Variants in ART3 observed in about 807,000 individuals in gnomAD.
ART3 encodes ecto-ADP-ribosyltransferase 3.
ART3 carries 49 observed loss-of-function variants against 48.5 expected under a neutral mutation model. The observed-to-expected ratio is 1.01, with a 90% confidence interval of 0.80 to 1.28. The LOEUF (loss-of-function observed/expected upper bound fraction) is 1.28, where lower values mean the gene tolerates loss of function less well. Ranked by LOEUF, ART3 falls within the 50% of genes most tolerant of loss-of-function variation. ART3 has a pLI of 0.00. For synonymous variants in ART3, 145 were observed against 157.2 expected, an observed-to-expected ratio of 0.92 and a Z score of 0.58; for missense variants, 438 against 454.3, an observed-to-expected ratio of 0.96 and a Z score of 0.33.
At chr4:76,022,618 T>G in intron 1 of ART3, 2 of 1,442,984 alleles carry the variant, frequency 1.4e-6, no homozygotes, top group South Asian at 2.5e-5. Context: ...GATCTTTTTT[T>G]ATTATCATTA....
At position 76,079,157 on chromosome 4, in the gene ART3, T is replaced by G. The variant is rs147513895; in HGVS notation, c.70-2667T>G. On this transcript the variant is annotated intron_variant, in intron 2 of 11. Coordinates refer to ENST00000355810, the MANE Select transcript of ART3 (RefSeq NM_001130016.3). Reference sequence around the variant, plus strand: ...CCAATTCCATGTAAGTCTCAATCTCTTAGTTTCCTCATCTTTGTTAAAAAA... The same window carrying G: ...CCAATTCCATGTAAGTCTCAATCTCGTAGTTTCCTCATCTTTGTTAAAAAA... 2.8e-3 allele frequency among the ~76,000 whole-genome samples: 399 copies of G among 143,870 alleles called. 7 individuals carry two copies. In the East Asian group the frequency reaches 0.059, roughly 21 times the overall value. 94.4% of individuals were successfully genotyped at this position (143,870 alleles called of 152,430 possible). A position where few individuals can be genotyped will look rare whatever the true frequency, so the allele number is the denominator to read the frequency against.
rs1212892298 is a variant in ART3 at position 76,112,640 on chromosome 4, T to G, written c.*121T>G. The stretch of plus-strand genomic sequence containing the variant: ...CAAAGTCACTGGATAAAATGAGAAT[T>G]GTATATTTGTTATTCATTTTGCAAA... On this transcript the variant is annotated 3_prime_UTR_variant, in exon 12 of 12. Coordinates refer to ENST00000355810, the MANE Select transcript of ART3 (RefSeq NM_001130016.3). 12 of 1,177,814 alleles carry G rather than the reference T, an allele frequency of 1.0e-5. No individual in the cohort carries two copies. The highest frequency in any genetic ancestry group is 1.4e-5 in the Non-Finnish European group (12 of 877,796). 73.0% of individuals were successfully genotyped at this position (1,177,814 alleles called of 1,614,324 possible).
chr4:76,039,655 A>G (rs1398267395), intron 1 of ART3, among the ~76,000 whole-genome samples: 1 of 152,244 alleles, frequency 6.6e-6, no homozygotes, highest in East Asian at 1.9e-4. Context: ...AATATAGACA[A>G]ACAATAGTGA....
At chr4:76,047,519 G>A (rs1369061360) in intron 1 of ART3, among the ~76,000 whole-genome samples, 1 of 151,958 alleles carries the variant, frequency 6.6e-6, no homozygotes, top group African/African-American at 2.4e-5. Flanking sequence ...GAAGGCAGAA[G>A]GATTTTCTTC....
At chr4:76,072,474 C>T (rs928797324), upstream of ART3, among the ~76,000 whole-genome samples, 3 of 152,042 alleles carry the variant, frequency 2.0e-5, no homozygotes, top group Admixed American at 6.5e-5. Flanking sequence ...CACACATACA[C>T]ACACATCTAC....
At chr4:76,062,781 T>C (rs1280449359) in intron 1 of ART3, among the ~76,000 whole-genome samples, 1 of 151,962 alleles carries the variant, frequency 6.6e-6, no homozygotes, top group South Asian at 2.1e-4. Context: ...AGGATGGTCT[T>C]GATCTCCTGA....
chr4:76,073,523 G>C (rs1720538040), upstream of ART3, among the ~76,000 whole-genome samples: 1 of 152,100 alleles, frequency 6.6e-6, no homozygotes, highest in African/African-American at 2.4e-5. Flanking sequence ...GTAAATATAG[G>C]TGTATTTCAT....
intron 10 of ART3, chr4:76,105,746 G>A (rs1398555647): frequency 1.0e-6 from 1 of 985,456 alleles, no homozygotes; most frequent in African/African-American, 1.7e-5. Context: ...TGCTATTACG[G>A]TTCTCTGGGC....
At chr4:76,055,460 A>G (rs1428723081) in intron 1 of ART3, among the ~76,000 whole-genome samples, 2 of 152,212 alleles carry the variant, frequency 1.3e-5, no homozygotes, top group African/African-American at 2.4e-5. Context: ...AAGAGTTTAT[A>G]TAACTCCCCC....
chr4:76,085,307 A>G (rs1272158266), intron 3 of ART3, among the ~76,000 whole-genome samples: 1 of 152,210 alleles, frequency 6.6e-6, no homozygotes. Context: ...CCAAGGTACT[A>G]TGAGATAAAA....
chr4:76,094,959 G>A (rs760803130), intron 3 of ART3, among the ~76,000 whole-genome samples: 1 of 152,098 alleles, frequency 6.6e-6, no homozygotes, highest in Non-Finnish European at 1.5e-5. Context: ...CAAATTAGTA[G>A]GCATAAAGCT....
At chr4:76,035,827 A>T in intron 1 of ART3, 1 of 1,091,954 alleles carries the variant, frequency 9.2e-7, no homozygotes, top group Non-Finnish European at 1.4e-6. Flanking sequence ...GTGAGATTAA[A>T]TAAAACTTTA....
chr4:76,053,284 A>G (rs1736311173), intron 1 of ART3, among the ~76,000 whole-genome samples: 1 of 152,186 alleles, frequency 6.6e-6, no homozygotes, highest in Admixed American at 6.5e-5. Context: ...GTCTTCCTGG[A>G]ACATTTAAGC....
intron 11 of ART3, among the ~76,000 whole-genome samples, chr4:76,108,992 C>T (rs1434573185): frequency 6.6e-6 from 1 of 151,986 alleles, no homozygotes; most frequent in African/African-American, 2.4e-5. Flanking sequence ...TGGTGTTGAG[C>T]GGATGTGAAG....
chr4:76,104,322 C>T (rs566480807), intron 9 of ART3: 83 of 979,878 alleles, frequency 8.5e-5, no homozygotes, highest in Admixed American at 3.1e-4. Context: ...TTAGTCTTGG[C>T]TAACATCTCA....
intron 3 of ART3, among the ~76,000 whole-genome samples, chr4:76,092,988 G>T (rs1725239604): frequency 6.6e-6 from 1 of 152,160 alleles, no homozygotes; most frequent in East Asian, 1.9e-4. Context: ...AAGTCTTGCT[G>T]AGCTGAAATT....
intron 1 of ART3, among the ~76,000 whole-genome samples, chr4:76,043,334 G>A (rs975860623): frequency 1.6e-4 from 25 of 152,028 alleles, no homozygotes; most frequent in South Asian, 4.1e-4. Flanking sequence ...ACTGGGCACC[G>A]TGGAGCAGGG....
At chr4:76,018,542 G>A (rs1055805272) in intron 1 of ART3, among the ~76,000 whole-genome samples, 1 of 151,928 alleles carries the variant, frequency 6.6e-6, no homozygotes, top group Non-Finnish European at 1.5e-5. Flanking sequence ...CACAACACAC[G>A]ATTTACCCAT....
chr4:76,106,374 A>G (rs1728473264), intron 10 of ART3: 2 of 984,794 alleles, frequency 2.0e-6, no homozygotes, highest in Admixed American at 6.2e-5. Flanking sequence ...AGAAACACGA[A>G]AAGGTGGCTT....
Sources: allele counts gnomAD v4.1 joint callset (sites outside exome capture counted in the v4.1 genomes callset), GRCh38; gene constraint gnomAD v4.1.1; transcripts MANE v1.5; gene names NCBI Gene and HGNC (gene_info 2026-07-23, HGNC 2026-07-21).